The following NTNG1 variants were observed in gnomAD, a reference collection of about 807,000 sequenced individuals.
NTNG1 encodes the protein netrin-G1.
In NTNG1, 16 loss-of-function variants were observed where a neutral mutation model predicts 54.0. That is an observed-to-expected ratio of 0.30 (90% CI 0.20 to 0.45). The LOEUF (loss-of-function observed/expected upper bound fraction) is 0.45, where lower values mean the gene tolerates loss of function less well. Among genes scored for constraint, NTNG1 ranks in the 20% least tolerant of loss-of-function variants. NTNG1 has a pLI of 1.00. For missense variants in NTNG1, 530 were observed against 678.7 expected, an observed-to-expected ratio of 0.78 and a Z score of 2.43; for synonymous variants, 255 against 263.1, an observed-to-expected ratio of 0.97 and a Z score of 0.30.
chr1:107,452,143 CACA>C (rs1676667136), intron 7 of NTNG1, among the ~76,000 whole-genome samples: 2 of 152,084 alleles, frequency 1.3e-5, no homozygotes, highest in South Asian at 4.1e-4. Context: ...AACTACTAAG[CACA>C]ACATCTGCAG....
At chr1:107,293,411 G>A (rs1665746497) in intron 2 of NTNG1, among the ~76,000 whole-genome samples, 1 of 152,126 alleles carries the variant, frequency 6.6e-6, no homozygotes, top group African/African-American at 2.4e-5. Context: ...AATTCATGAA[G>A]GCACCCATTG....
At chr1:107,193,968 A>G (rs1377963795) in intron 2 of NTNG1, among the ~76,000 whole-genome samples, 1 of 151,924 alleles carries the variant, frequency 6.6e-6, no homozygotes, top group Non-Finnish European at 1.5e-5. Context: ...ACCCTTTATG[A>G]TCAGGTCCCT....
intron 7 of NTNG1, among the ~76,000 whole-genome samples, chr1:107,442,414 A>G (rs1033982527): frequency 2.0e-5 from 3 of 151,920 alleles, no homozygotes; most frequent in African/African-American, 7.3e-5. Context: ...GACTACCTAT[A>G]AAAAAAAGAG....
chr1:107,352,088 C>T (rs1669651926), intron 3 of NTNG1, among the ~76,000 whole-genome samples: 1 of 152,242 alleles, frequency 6.6e-6, no homozygotes, highest in Non-Finnish European at 1.5e-5. Context: ...AGGGTTCAGC[C>T]CCTGTGGCTG....
At chr1:107,241,874 A>G (rs1008552556) in intron 2 of NTNG1, among the ~76,000 whole-genome samples, 1 of 152,180 alleles carries the variant, frequency 6.6e-6, no homozygotes, top group Non-Finnish European at 1.5e-5. Context: ...GAGAAAAAAA[A>G]TCTTGAACTG....
intron 2 of NTNG1, among the ~76,000 whole-genome samples, chr1:107,244,032 A>G (rs973175456): frequency 1.3e-5 from 2 of 152,238 alleles, no homozygotes; most frequent in African/African-American, 4.8e-5. Flanking sequence ...GCAATAGAGC[A>G]TCTTTCAATC....
intron 2 of NTNG1, among the ~76,000 whole-genome samples, chr1:107,201,381 G>C (rs575539869): frequency 8.6e-5 from 13 of 151,848 alleles, no homozygotes; most frequent in African/African-American, 2.9e-4. Context: ...TTGTTAAATA[G>C]CCCTTCAGTT....
intron 3 of NTNG1, among the ~76,000 whole-genome samples, chr1:107,383,061 T>C (rs543855366): frequency 6.6e-6 from 1 of 152,352 alleles, no homozygotes; most frequent in East Asian, 1.9e-4. Flanking sequence ...AGTATTCTTT[T>C]ACACAGATTT....
At chr1:107,451,108 CTTTTT>C (rs55906603) in intron 7 of NTNG1, among the ~76,000 whole-genome samples, 3 of 138,392 alleles carry the variant, frequency 2.2e-5, no homozygotes, top group African/African-American at 2.7e-5. Flanking sequence ...TTCTTTCTTT[CTTTTT>C]TTTTTTTTTT....
At chr1:107,428,753 G>T (rs546591054) in intron 5 of NTNG1, among the ~76,000 whole-genome samples, 1 of 152,190 alleles carries the variant, frequency 6.6e-6, no homozygotes, top group African/African-American at 2.4e-5. Context: ...AACATAGAAG[G>T]CTCTAGAAGC....
chr1:107,285,260 G>A (rs950515069), intron 2 of NTNG1, among the ~76,000 whole-genome samples: 7 of 152,054 alleles, frequency 4.6e-5, no homozygotes, highest in Non-Finnish European at 1.0e-4. Flanking sequence ...ATGCTAAGGA[G>A]GTGCATTTAC....
At chr1:107,155,248 G>A (rs1294856935) in intron 2 of NTNG1, among the ~76,000 whole-genome samples, 2 of 151,850 alleles carry the variant, frequency 1.3e-5, no homozygotes, top group African/African-American at 4.8e-5. Context: ...TTATCACCAT[G>A]AAGCCCTCGT....
rs923753832 is a variant in NTNG1 at position 107,187,768 on chromosome 1, C to T, written c.246+38929C>T. ...ATTTCTTCATCTTTTTTCACTGCCT[C>T]AGGTGTCGGCAAGGACACATATGAT... On this transcript the variant is annotated intron_variant, in intron 2 of 7. Coordinates refer to ENST00000370068, the MANE Select transcript of NTNG1 (RefSeq NM_001113226.3). Among the ~76,000 whole-genome samples, 4 of 152,080 alleles carry T rather than the reference C, an allele frequency of 2.6e-5. No homozygotes were observed. In the South Asian group the frequency reaches 6.2e-4, roughly 24 times the overall value.
At chr1:107,361,391 A>ATTTTTT (rs1177736263) in intron 3 of NTNG1, among the ~76,000 whole-genome samples, 13 of 88,000 alleles carry the variant, frequency 1.5e-4, no homozygotes, top group African/African-American at 3.5e-4. Context: ...ATATATATAT[A>ATTTTTT]TTTTTTTTTT....
At chr1:107,260,217 C>A (rs1314775056) in intron 2 of NTNG1, among the ~76,000 whole-genome samples, 2 of 152,172 alleles carry the variant, frequency 1.3e-5, no homozygotes, top group African/African-American at 4.8e-5. Flanking sequence ...TTTTGATCAT[C>A]CAGCTTTCCA....
At position 107,480,764 on chromosome 1, in the gene NTNG1, G is replaced by A. The variant is rs1472351089; in HGVS notation, c.1544G>A (p.Gly515Asp). Residue 515 changes from glycine (G) to aspartate (D), a missense_variant, in exon 8 of 8, where the codon GGC (glycine) becomes GAC (aspartate). Physicochemically the swap from Gly to Asp is moderately conservative, Grantham distance 94 (BLOSUM62 -1). Transcript: ENST00000370068. ...AGSCGSDSGQGAPPHGSPALL... is the reference protein window; with the variant it reads ...AGSCGSDSGQDAPPHGSPALL... ...AGCTGCGGCTCCGACTCTGGCCAGG[G>A]CGCGCCCCCGCACGGCTCCCCAGCG... 1 of 1,604,200 alleles carries A rather than the reference G, an allele frequency of 6.2e-7. No individual in the cohort carries two copies. The highest frequency in any genetic ancestry group is 8.5e-7 in the Non-Finnish European group (1 of 1,176,962).
chr1:107,237,084 G>T (rs552185980), intron 2 of NTNG1, among the ~76,000 whole-genome samples: 13 of 152,314 alleles, frequency 8.5e-5, no homozygotes, highest in African/African-American at 3.1e-4. Flanking sequence ...ACTTCCTAGA[G>T]ACCTGTTGAA....
intron 2 of NTNG1, among the ~76,000 whole-genome samples, chr1:107,255,251 A>G (rs1662857319): frequency 6.6e-6 from 1 of 152,218 alleles, no homozygotes; most frequent in South Asian, 2.1e-4. Flanking sequence ...TTAGCATTTA[A>G]AATCATTTTG....
At chr1:107,273,355 T>G (rs1664268490) in intron 2 of NTNG1, among the ~76,000 whole-genome samples, 1 of 152,240 alleles carries the variant, frequency 6.6e-6, no homozygotes, top group South Asian at 2.1e-4. Context: ...TAAGGCAAAT[T>G]ATTATAAACT....
Sources: gnomAD v4.1 joint callset for allele counts (sites outside exome capture counted in the v4.1 genomes callset) on GRCh38, gnomAD v4.1.1 for gene constraint, MANE v1.5 for transcripts, NCBI Gene and HGNC (gene_info 2026-07-23, HGNC 2026-07-21) for gene names.